Variants in CKAP5 observed in about 807,000 individuals in gnomAD.
CKAP5 encodes cytoskeleton associated protein 5.
A neutral mutation model predicts 232.8 loss-of-function variants in CKAP5; 27 were observed. The observed-to-expected ratio is 0.12, with a 90% CI of 0.09 to 0.16. The LOEUF is 0.16. Ranked by LOEUF, CKAP5 falls within the 10% of genes least tolerant of loss-of-function variation. The probability of loss-of-function intolerance (pLI) is 1.00; values close to 1 mark genes in which losing one functional copy is unlikely to be tolerated. For synonymous variants in CKAP5, 785 were observed against 841.1 expected (o/e 0.93, Z 1.16); for missense variants, 1,838 against 2,424.7 (o/e 0.76, Z 5.08).
chr11:46,763,990 T>C (rs1035544782), intron 28 of CKAP5, among the ~76,000 whole-genome samples: 1 of 152,126 alleles, frequency 6.6e-6, no homozygotes, highest in African/African-American at 2.4e-5. Flanking sequence ...CATGCACCAC[T>C]ATGCCCAGCT....
intron 13 of CKAP5, among the ~76,000 whole-genome samples, chr11:46,793,995 G>C (rs1052924136): frequency 3.9e-5 from 6 of 152,008 alleles, no homozygotes; most frequent in Non-Finnish European, 8.8e-5. Flanking sequence ...AGGGTACCAA[G>C]GCGGTTTAAT....
intron 36 of CKAP5, 27 bp downstream of exon 36, chr11:46,754,861 G>A: frequency 1.3e-6 from 2 of 1,595,378 alleles, no homozygotes; most frequent in East Asian, 4.5e-5. Context: ...TTGATGGGAA[G>A]CTGAAATTCT....
intron 1 of CKAP5, among the ~76,000 whole-genome samples, chr11:46,822,275 T>C (rs1481168400): frequency 2.0e-5 from 3 of 151,038 alleles, no homozygotes; most frequent in Non-Finnish European, 4.4e-5. Flanking sequence ...AGCAAGACCC[T>C]GTCTCAAAAA....
chr11:46,767,552 C>T (rs777638907), intron 27 of CKAP5, 23 bp downstream of exon 27: 2 of 1,472,244 alleles, frequency 1.4e-6, no homozygotes, highest in Admixed American at 3.6e-5. Context: ...AAGTCTACAT[C>T]GAAGTATACA....
intron 33 of CKAP5, 177 bp downstream of exon 33, chr11:46,760,429 GAGACAA>G (rs2065144548): frequency 7.0e-6 from 5 of 709,270 alleles, no homozygotes; most frequent in Non-Finnish European, 1.2e-5. Flanking sequence ...AAGTGGTTTT[GAGACAA>G]AGACAAAGAC....
At chr11:46,775,431 C>T (rs547473121) in intron 24 of CKAP5, among the ~76,000 whole-genome samples, 61 of 152,216 alleles carry the variant, frequency 4.0e-4, no homozygotes, top group African/African-American at 1.5e-3. Flanking sequence ...CTCAAGGACC[C>T]AGAACTAGAA....
Position 46,780,464 on chromosome 11 carries a change from A to C in CKAP5, c.2271T>G (p.Ile757Met). The change falls in exon 19 of 44, where the codon ATT (isoleucine) becomes ATG (methionine). Residue 757 changes from isoleucine (I) to methionine (M), a missense_variant. By Grantham distance (10) the Ile-to-Met change is conservative. Around this residue, in one of 6 missense-constraint regions of CKAP5, gnomAD observed 767 missense variants for 954.6 expected, o/e 0.80. Transcript: ENST00000529230. ...CAGCAAGAGCTGTCTTCACATTGCT[A>C]ATGAAAGCTTTGACATTCAACCTAG... ...GFSGLNVKAF[I>M]SNVKTALAAT... 1 of 1,613,832 alleles carries C rather than the reference A, an allele frequency of 6.2e-7. No individual in the cohort carries two copies. Among genetic ancestry groups the C allele is most frequent in the Non-Finnish European group, 8.5e-7 (1 of 1,179,826 alleles).
Position 46,752,717 on chromosome 11 carries a change from G to A in CKAP5, c.5058-7C>T. 1 of 1,609,760 alleles carries A rather than the reference G, an allele frequency of 6.2e-7. No individual in the cohort carries two copies. The highest frequency in any genetic ancestry group is 8.5e-7 in the Non-Finnish European group (1 of 1,177,164). On this transcript the variant is annotated splice_region_variant and splice_polypyrimidine_tract_variant and intron_variant, in intron 37 of 43. Transcript: ENST00000529230. The stretch of plus-strand genomic sequence containing the variant: ...GAGCAAAACAAGTAGGGCACTGGAA[G>A]AAAAACCCAACACAACAGCATTAAG...
intron 1 of CKAP5, among the ~76,000 whole-genome samples, chr11:46,826,493 C>T (rs1939655054): frequency 6.6e-6 from 1 of 152,174 alleles, no homozygotes; most frequent in South Asian, 2.1e-4. Context: ...AAAAGCAACC[C>T]TCTCCTCACC....
In CKAP5 at chr11:46,760,596, A is replaced by T; in HGVS notation, c.4394+16T>A. The stretch of plus-strand genomic sequence containing the variant: ...GCCATGGAGATGCTCTCAGACAAGT[A>T]TCTCTATCTACATACTTGAGTTTGG... On this transcript the variant is annotated intron_variant, in intron 33 of 43. Coordinates refer to ENST00000529230, the MANE Select transcript of CKAP5 (RefSeq NM_001008938.4). The T allele has an allele frequency of 6.2e-7, 1 of 1,613,264 alleles. No homozygotes were observed. Among genetic ancestry groups the T allele is most frequent in the Non-Finnish European group, 8.5e-7 (1 of 1,179,312 alleles).
At chr11:46,814,060 G>C (rs1037048163) in intron 4 of CKAP5, among the ~76,000 whole-genome samples, 1 of 148,878 alleles carries the variant, frequency 6.7e-6, no homozygotes, top group Non-Finnish European at 1.5e-5. Context: ...TTGAACCCAG[G>C]GGCGGAGGTT....
chr11:46,845,693 G>A (rs1264544585), intron 1 of CKAP5, among the ~76,000 whole-genome samples: 1 of 152,202 alleles, frequency 6.6e-6, no homozygotes, highest in Non-Finnish European at 1.5e-5. Context: ...GGGCGGGGTG[G>A]TGGATGATCG....
chr11:46,822,491 C>T (rs989830533), intron 1 of CKAP5, among the ~76,000 whole-genome samples: 1 of 151,944 alleles, frequency 6.6e-6, no homozygotes, highest in Non-Finnish European at 1.5e-5. Context: ...TGGTGGCTGA[C>T]GCCCGTAATC....
At chr11:46,784,246 T>TA (rs2065367068) in intron 17 of CKAP5, among the ~76,000 whole-genome samples, 1 of 151,862 alleles carries the variant, frequency 6.6e-6, no homozygotes, top group Admixed American at 6.6e-5. Flanking sequence ...CAGGTGCCTG[T>TA]AATCCCAGCT....
At position 46,816,544 on chromosome 11, in the gene CKAP5, G is replaced by T. The variant is rs576011735; in HGVS notation, c.252-140C>A. 18 of 635,300 alleles carry T rather than the reference G, an allele frequency of 2.8e-5. 1 individual carries two copies. In the South Asian group the frequency reaches 3.8e-4, roughly 13 times the overall value. 39.4% of individuals were successfully genotyped at this position (635,300 alleles called of 1,614,324 possible). ...CTTTAATTTTTAAATTTATGTTCAA[G>T]AATATTTTAAAAACTTAACGTTAAA... On this transcript the variant is annotated intron_variant, in intron 3 of 43. Transcript: ENST00000529230.
intron 1 of CKAP5, among the ~76,000 whole-genome samples, chr11:46,834,971 A>T (rs1592491455): frequency 6.8e-6 from 1 of 146,900 alleles, no homozygotes; most frequent in Non-Finnish European, 1.5e-5. Flanking sequence ...CTCCCAGCTA[A>T]TTTTTTTTTT....
intron 1 of CKAP5, among the ~76,000 whole-genome samples, chr11:46,831,163 C>T (rs1372224235): frequency 6.6e-6 from 1 of 152,132 alleles, no homozygotes; most frequent in Non-Finnish European, 1.5e-5. Flanking sequence ...ACTTTAATAC[C>T]CATCCATGCC....
chr11:46,756,106 T>C (rs2065109206), intron 35 of CKAP5, among the ~76,000 whole-genome samples: 1 of 152,206 alleles, frequency 6.6e-6, no homozygotes, highest in African/African-American at 2.4e-5. Context: ...ACTGGTCCAG[T>C]GTTCTGTTGC....
Position 46,784,551 on chromosome 11 carries a change from G to A in CKAP5, c.2091C>T (p.Asn697=). Residue 697 remains asparagine, a synonymous_variant, in exon 17 of 44, where the codon AAC becomes AAT. Coordinates refer to ENST00000529230, the MANE Select transcript of CKAP5 (RefSeq NM_001008938.4). ...VDKIGDVKCG[N]NAKEAMTAIA... ...TTGCTGTCATAGCTTCTTTTGCATT[G>A]TTCCCACATTTCACATCTCCAATCT... 1 of 1,614,042 alleles carries A rather than the reference G, an allele frequency of 6.2e-7. No individual in the cohort carries two copies. The highest frequency in any genetic ancestry group is 8.5e-7 in the Non-Finnish European group (1 of 1,179,984).
Sources: allele counts gnomAD v4.1 joint callset (sites outside exome capture counted in the v4.1 genomes callset), GRCh38; gene constraint gnomAD v4.1.1; regional missense constraint gnomAD v4.1.1; transcripts MANE v1.5; gene names NCBI Gene and HGNC (gene_info 2026-07-23, HGNC 2026-07-21).